The following DUSP29 variants were observed in gnomAD, a reference collection of about 807,000 sequenced individuals.
DUSP29 encodes dual specificity phosphatase 29.
In DUSP29, 12 loss-of-function variants were observed where a neutral mutation model predicts 13.5. The observed-to-expected ratio is 0.89, with a 90% CI of 0.57 to 1.44. The LOEUF (loss-of-function observed/expected upper bound fraction) is 1.44. Among genes scored for constraint, DUSP29 ranks in the 40% most tolerant of loss-of-function variants. DUSP29 has a pLI of 0.00. For synonymous variants in DUSP29, 134 were observed against 128.7 expected, an observed-to-expected ratio of 1.04 and a Z score of -0.28; for missense variants, 308 against 301.1, an observed-to-expected ratio of 1.02 and a Z score of -0.17.
intron 3 of DUSP29, among the ~76,000 whole-genome samples, chr10:75,039,699 A>G (rs1031341105): frequency 2.6e-5 from 4 of 152,100 alleles, no homozygotes; most frequent in African/African-American, 9.7e-5. Context: ...CTTTCAGGAG[A>G]TGCTTTCTGC....
chr10:75,047,025 G>A (rs1304553899), intron 2 of DUSP29, among the ~76,000 whole-genome samples: 1 of 152,176 alleles, frequency 6.6e-6, no homozygotes, highest in Non-Finnish European at 1.5e-5. Context: ...TGGGGAGCGG[G>A]ATAGATATGC....
chr10:75,064,119 CA>C (rs1298852322), intron 1 of DUSP29, among the ~76,000 whole-genome samples: 2 of 152,072 alleles, frequency 1.3e-5, no homozygotes, highest in Non-Finnish European at 2.9e-5. Context: ...CAGCTCACTG[CA>C]GCCTCAAACT....
intron 3 of DUSP29, among the ~76,000 whole-genome samples, chr10:75,042,331 G>A (rs1808875809): frequency 1.3e-5 from 2 of 152,350 alleles, no homozygotes; most frequent in South Asian, 4.1e-4. Flanking sequence ...TATAGTAATG[G>A]CAAGTGAGTG....
intron 1 of DUSP29, among the ~76,000 whole-genome samples, chr10:75,069,586 C>T (rs1164510842): frequency 6.6e-6 from 1 of 152,240 alleles, no homozygotes; most frequent in African/African-American, 2.4e-5. Context: ...TCAGATGCTA[C>T]ACAGAGGACG....
At chr10:75,048,461 CG>C (rs1846750360) in intron 2 of DUSP29, among the ~76,000 whole-genome samples, 1 of 150,622 alleles carries the variant, frequency 6.6e-6, no homozygotes, top group African/African-American at 2.4e-5. Context: ...GGCGCAATCT[CG>C]GCTCACTGCT....
At chr10:75,060,914 A>C (rs1847074607) in intron 1 of DUSP29, among the ~76,000 whole-genome samples, 1 of 152,260 alleles carries the variant, frequency 6.6e-6, no homozygotes, top group Non-Finnish European at 1.5e-5. Context: ...ATTTGCTTCA[A>C]AAATAATATA....
At chr10:75,048,837 C>T (rs894205805) in intron 2 of DUSP29, among the ~76,000 whole-genome samples, 4 of 152,180 alleles carry the variant, frequency 2.6e-5, no homozygotes, top group East Asian at 3.8e-4. Flanking sequence ...GAAGCTCCTC[C>T]GTGTTGAGGC....
chr10:75,070,952 C>T (rs893234215), intron 1 of DUSP29, among the ~76,000 whole-genome samples: 1 of 152,260 alleles, frequency 6.6e-6, no homozygotes, highest in Non-Finnish European at 1.5e-5. Context: ...AAACAGCTAA[C>T]TCCTGGCCCA....
chr10:75,069,417 C>T (rs1210548398), intron 1 of DUSP29, among the ~76,000 whole-genome samples: 1 of 151,978 alleles, frequency 6.6e-6, no homozygotes, highest in Non-Finnish European at 1.5e-5. Context: ...TGTGGAAACA[C>T]CACAGGCGGT....
intron 2 of DUSP29, among the ~76,000 whole-genome samples, chr10:75,054,012 A>G (rs1035163406): frequency 6.6e-6 from 1 of 152,216 alleles, no homozygotes. Context: ...AACTATTATT[A>G]TTATAAGCCA....
At chr10:75,050,725 C>A (rs1846807482) in intron 2 of DUSP29, among the ~76,000 whole-genome samples, 1 of 152,344 alleles carries the variant, frequency 6.6e-6, no homozygotes, top group African/African-American at 2.4e-5. Flanking sequence ...CAGATTCAGA[C>A]CCCTATCGAG....
chr10:75,044,435 T>C (rs900500013), intron 2 of DUSP29, among the ~76,000 whole-genome samples: 1 of 152,026 alleles, frequency 6.6e-6, no homozygotes, highest in Non-Finnish European at 1.5e-5. Context: ...GTTTTTAGGG[T>C]TTGGAGATGG....
intron 1 of DUSP29, among the ~76,000 whole-genome samples, chr10:75,059,831 C>T (rs1847048377): frequency 6.6e-6 from 1 of 152,144 alleles, no homozygotes; most frequent in South Asian, 2.1e-4. Flanking sequence ...AAAATAATTC[C>T]AGTGGATCAA....
rs1564639384 is a variant in DUSP29 at position 75,043,794 on chromosome 10, T to TA, written c.421+2dup. 6.2e-7 allele frequency: 1 copy of TA among 1,611,414 alleles called. No individual in the cohort carries two copies. Among genetic ancestry groups the TA allele is most frequent in the Admixed American group, 1.7e-5 (1 of 60,018 alleles). On this transcript the variant is annotated splice_region_variant and intron_variant, in intron 3 of 3. Coordinates refer to ENST00000338487, the MANE Select transcript of DUSP29 (RefSeq NM_001003892.3). ...GATCGGGGCGGGGCCGCGGGTCTCT[T>TA]ACTGTGGTCGTCGCTTAGCGCTCTG...
At position 75,055,492 on chromosome 10, in the gene DUSP29, A is replaced by G. The variant is rs117446834; in HGVS notation, c.200+2823T>C. 5.7e-3 allele frequency among the ~76,000 whole-genome samples: 871 copies of G among 152,348 alleles called. 20 individuals are homozygous for G. The highest frequency in any genetic ancestry group is 5.8e-3 in the Admixed American group (89 of 15,308). ...TATACAAAGTAAAAGAAAGCCAGGA[A>G]CATATTATAACATTCCATTTATACA... On this transcript the variant is annotated intron_variant, in intron 2 of 3. Transcript: ENST00000338487.
chr10:75,058,552 G>T lies in DUSP29; in HGVS notation c.-34-4C>A. 1 of 1,609,580 alleles carries T rather than the reference G, an allele frequency of 6.2e-7. No homozygotes were observed. Among genetic ancestry groups the T allele is most frequent in the South Asian group, 1.1e-5 (1 of 90,922 alleles). ...GGATTTTCTCTCCTTTCTGCAGCTG[G>T]TTATGAGAGAGAAGCAGGATGGGGG... is the stretch of plus-strand genomic sequence containing the variant. On this transcript the variant is annotated splice_polypyrimidine_tract_variant and splice_region_variant and intron_variant, in intron 1 of 3. Coordinates refer to ENST00000338487, the MANE Select transcript of DUSP29 (RefSeq NM_001003892.3).
intron 3 of DUSP29, among the ~76,000 whole-genome samples, chr10:75,041,537 G>A (rs1027389903): frequency 9.9e-5 from 15 of 152,102 alleles, no homozygotes; most frequent in Admixed American, 4.6e-4. Context: ...ACACCCCTCC[G>A]CTGTACATGC....
chr10:75,067,804 A>ATATTTTATTT (rs567371656), intron 1 of DUSP29, among the ~76,000 whole-genome samples: 2 of 151,968 alleles, frequency 1.3e-5, no homozygotes, highest in African/African-American at 4.8e-5. Flanking sequence ...CTATAAGAAA[A>ATATTTTATTT]TATTTTATTT....
At chr10:75,040,005 C>T (rs1040968717) in intron 3 of DUSP29, among the ~76,000 whole-genome samples, 4 of 151,970 alleles carry the variant, frequency 2.6e-5, no homozygotes, top group African/African-American at 9.7e-5. Flanking sequence ...CATGGTGAAA[C>T]CCTGTCTCTA....
Sources: gnomAD v4.1 joint callset for allele counts (sites outside exome capture counted in the v4.1 genomes callset) on GRCh38, gnomAD v4.1.1 for gene constraint, MANE v1.5 for transcripts, NCBI Gene and HGNC (gene_info 2026-07-23, HGNC 2026-07-21) for gene names.